The following MCM6 variants were observed in gnomAD, a reference collection of about 807,000 sequenced individuals.
MCM6 encodes DNA replication licensing factor MCM6.
Under a neutral mutation model 94.3 loss-of-function variants are expected in MCM6, and 46 were observed. The ratio of observed to expected loss-of-function variants is 0.49; its 90% CI spans 0.39 to 0.62. The LOEUF (loss-of-function observed/expected upper bound fraction) is 0.62, where lower values mean the gene tolerates loss of function less well. Ranked by LOEUF, MCM6 falls within the 20% of genes least tolerant of loss-of-function variation. MCM6 has a pLI of 0.00. For missense variants in MCM6, 865 were observed against 1,017.9 expected (o/e 0.85, Z 2.04); for synonymous variants, 335 against 351.9 (o/e 0.95, Z 0.54).
chr2:135,861,635 C>T (rs946325313), intron 8 of MCM6, among the ~76,000 whole-genome samples: 3 of 152,030 alleles, frequency 2.0e-5, no homozygotes, highest in Non-Finnish European at 4.4e-5. Context: ...TTTTTTGAGA[C>T]GGAGTCTTGC....
At chr2:135,858,083 G>A in intron 9 of MCM6, 79 bp from the exon 10 acceptor site, 1 of 1,312,518 alleles carries the variant, frequency 7.6e-7, no homozygotes. Context: ...CCAGCACTTT[G>A]GGAGGCCAAG....
chr2:135,858,478 C>T (rs574326736), intron 9 of MCM6, among the ~76,000 whole-genome samples: 1 of 152,220 alleles, frequency 6.6e-6, no homozygotes, highest in East Asian at 1.9e-4. Flanking sequence ...CAGAGCAAGA[C>T]TTCATCACGA....
intron 3 of MCM6, among the ~76,000 whole-genome samples, chr2:135,869,625 C>G (rs1680166504): frequency 6.6e-6 from 1 of 151,980 alleles, no homozygotes; most frequent in South Asian, 2.1e-4. Context: ...TTCAAAATAT[C>G]ACTTCAATTT....
At chr2:135,865,250 A>C in intron 6 of MCM6, 87 bp from the exon 7 acceptor site, 2 of 1,014,886 alleles carry the variant, frequency 2.0e-6, no homozygotes, top group Non-Finnish European at 2.7e-6. Flanking sequence ...CAAACACAAC[A>C]TAGCATGGGA....
At chr2:135,862,452 A>G (rs996903413) in intron 8 of MCM6, among the ~76,000 whole-genome samples, 155 bp downstream of exon 8, 1 of 152,182 alleles carries the variant, frequency 6.6e-6, no homozygotes, top group Admixed American at 6.5e-5. Flanking sequence ...AAATTGTACA[A>G]TGTTGCCATA....
intron 12 of MCM6, among the ~76,000 whole-genome samples, chr2:135,852,176 A>G (rs4988229): frequency 0.015 from 2,260 of 152,336 alleles, 58 homozygotes; most frequent in African/African-American, 0.052. Flanking sequence ...TCTCATGAAT[A>G]ATCAAGTGAA....
intron 3 of MCM6, among the ~76,000 whole-genome samples, chr2:135,869,177 C>T (rs1187557256): frequency 6.6e-6 from 1 of 152,070 alleles, no homozygotes; most frequent in African/African-American, 2.4e-5. Context: ...CCAAGGTGGG[C>T]GGATCATGAG....
At chr2:135,854,517 G>A (rs373890405) in intron 11 of MCM6, among the ~76,000 whole-genome samples, 13 of 104,776 alleles carry the variant, frequency 1.2e-4, no homozygotes, top group Admixed American at 8.4e-4. Context: ...GTAACAGAGC[G>A]AGACTCCATC....
chr2:135,848,339 T>C, intron 13 of MCM6, 151 bp from the exon 14 acceptor site: 1 of 556,464 alleles, frequency 1.8e-6, no homozygotes, highest in Non-Finnish European at 3.2e-6. Context: ...AAACACCCTC[T>C]CTCATTCTCT....
chr2:135,870,289 A>C lies in MCM6; in HGVS notation c.327T>G (p.Asp109Glu), dbSNP rs760949511. 1.2e-6 allele frequency: 2 copies of C among 1,613,990 alleles called. No homozygotes were observed. The highest frequency in any genetic ancestry group is 1.1e-5 in the South Asian group (1 of 91,076). Residue 109 changes from aspartate to glutamate, a missense_variant, in exon 3 of 17, where the codon GAT becomes GAG. Physicochemically the swap from Asp to Glu is conservative, Grantham distance 45 (BLOSUM62 2). This residue lies in a region of MCM6 where 404 missense variants were observed against 451.9 expected (regional missense o/e 0.89). Coordinates refer to ENST00000264156, the MANE Select transcript of MCM6 (RefSeq NM_005915.6). Reference sequence around the variant, plus strand: ...GCAGGTCTTGGAATGCAACATAAAAATCCTTGGCAAGAGGGATCTCTTTAC... The same window carrying C: ...GCAGGTCTTGGAATGCAACATAAAACTCCTTGGCAAGAGGGATCTCTTTAC... ...KDRKEIPLAK[D>E]FYVAFQDLPT...
intron 16 of MCM6, among the ~76,000 whole-genome samples, chr2:135,844,277 G>A (rs1679631778): frequency 6.6e-6 from 1 of 152,202 alleles, no homozygotes; most frequent in South Asian, 2.1e-4. Flanking sequence ...GCAAATATGA[G>A]GATGGGAAAC....
intron 16 of MCM6, among the ~76,000 whole-genome samples, chr2:135,841,684 T>C (rs549135793): frequency 3.3e-5 from 5 of 152,322 alleles, no homozygotes; most frequent in South Asian, 2.1e-4. Flanking sequence ...TGAAGTTAGA[T>C]TGGACACTTT....
chr2:135,850,918 C>T (rs893578023), intron 13 of MCM6, among the ~76,000 whole-genome samples: 4 of 152,148 alleles, frequency 2.6e-5, no homozygotes, highest in Admixed American at 1.3e-4. Context: ...TTGGTTGAAG[C>T]GAAGATGGGA....
At chr2:135,865,335 C>A (rs1274286460) in intron 6 of MCM6, among the ~76,000 whole-genome samples, 172 bp from the exon 7 acceptor site, 1 of 152,002 alleles carries the variant, frequency 6.6e-6, no homozygotes, top group Non-Finnish European at 1.5e-5. Flanking sequence ...CCTCAGTTAA[C>A]AAAGACACTT....
intron 16 of MCM6, among the ~76,000 whole-genome samples, chr2:135,842,109 TAAATAAATAAATAAATAAATAAATAGG>T (rs1679583065): frequency 7.6e-6 from 1 of 131,450 alleles, no homozygotes; most frequent in Non-Finnish European, 1.5e-5. Flanking sequence ...TCTCAAAAGA[TAAATAAATAAATAAATAAATAAATAGG>T]TAATTCAAGT....
chr2:135,840,755 C>A lies in MCM6; in HGVS notation c.*80G>T. On this transcript the variant is annotated 3_prime_UTR_variant, in exon 17 of 17. Transcript: ENST00000264156. Reference sequence around the variant, plus strand: ...ATCACTTCCAGAAACACTTCTGTCCCTAGCAGAGCTCCAGCCAGGCTCCAG... The same window carrying A: ...ATCACTTCCAGAAACACTTCTGTCCATAGCAGAGCTCCAGCCAGGCTCCAG... 1 of 934,690 alleles carries A rather than the reference C, an allele frequency of 1.1e-6. No individual in the cohort carries two copies. The allele number at this position is 934,690 out of a possible 1,614,324, so 57.9% of individuals were successfully genotyped here.
intron 4 of MCM6, 78 bp from the exon 5 acceptor site, chr2:135,866,806 C>T: frequency 8.3e-7 from 1 of 1,204,976 alleles, no homozygotes; most frequent in Non-Finnish European, 1.2e-6. Context: ...TTAAATACCA[C>T]AAATACGGAC....
At chr2:135,864,566 G>C (rs1218068492) in intron 7 of MCM6, among the ~76,000 whole-genome samples, 1 of 152,136 alleles carries the variant, frequency 6.6e-6, no homozygotes, top group Non-Finnish European at 1.5e-5. Context: ...GTGCAGCTCT[G>C]TCATAAGGCC....
In MCM6 at chr2:135,866,584, C is replaced by T. The variant is rs762490656; in HGVS notation, c.760G>A (p.Val254Ile). Residue 254 changes from valine (V) to isoleucine (I), a missense_variant, in exon 5 of 17, where the codon GTC (valine) becomes ATC (isoleucine). Transcript: ENST00000264156. ...TGACCTGGTGTGCTAAGCTTGGAGA[C>T]GTCAGGCACAACAATCAGTGTCCCT... is the stretch of plus-strand genomic sequence containing the variant. ...FTGTLIVVPDVSKLSTPGARA... is the reference protein window; with the variant it reads ...FTGTLIVVPDISKLSTPGARA... 16 of 1,613,038 alleles carry T rather than the reference C, an allele frequency of 9.9e-6. No homozygotes were observed. The highest frequency in any genetic ancestry group is 8.8e-5 in the South Asian group (8 of 90,838).
Sources: gnomAD v4.1 joint callset for allele counts (sites outside exome capture counted in the v4.1 genomes callset) on GRCh38, gnomAD v4.1.1 for gene constraint, gnomAD v4.1.1 regional missense constraint, MANE v1.5 for transcripts, NCBI Gene and HGNC (gene_info 2026-07-23, HGNC 2026-07-21) for gene names.